PLCB1: variants seen among roughly 807,000 people sequenced by gnomAD.
PLCB1 encodes phospholipase C beta 1, also known as 1-phosphatidylinositol 4,5-bisphosphate phosphodiesterase beta-1.
Under a neutral mutation model 161.8 loss-of-function variants are expected in PLCB1, and 46 were observed. The observed-to-expected ratio is 0.28, with a 90% CI of 0.22 to 0.36. The LOEUF (loss-of-function observed/expected upper bound fraction) is 0.36. Among genes scored for constraint, PLCB1 ranks in the 10% least tolerant of loss-of-function variants. The probability of loss-of-function intolerance (pLI) is 1.00; values close to 1 mark genes in which losing one functional copy is unlikely to be tolerated. For synonymous variants in PLCB1, 517 were observed against 503.7 expected (o/e 1.03, Z -0.35); for missense variants, 1,016 against 1,472.5 (o/e 0.69, Z 5.07).
chr20:8,595,738 T>G (rs1423416560), intron 3 of PLCB1, among the ~76,000 whole-genome samples: 91 of 149,626 alleles, frequency 6.1e-4, no homozygotes, highest in Non-Finnish European at 1.1e-3. Context: ...GTGTTCCTAT[T>G]TCTCCACATC....
At chr20:8,879,787 A>G (rs1431780075) in intron 31 of PLCB1, among the ~76,000 whole-genome samples, 1 of 152,176 alleles carries the variant, frequency 6.6e-6, no homozygotes, top group Admixed American at 6.5e-5. Context: ...GAAGGAGGCT[A>G]AGACTCAGGA....
intron 2 of PLCB1, among the ~76,000 whole-genome samples, chr20:8,368,685 G>C (rs1364314027): frequency 6.6e-6 from 1 of 152,182 alleles, no homozygotes; most frequent in Non-Finnish European, 1.5e-5. Flanking sequence ...GTAAATGTTA[G>C]TGTTTTATAA....
chr20:8,520,640 T>A (rs535602911), intron 3 of PLCB1, among the ~76,000 whole-genome samples: 1 of 152,252 alleles, frequency 6.6e-6, no homozygotes, highest in Admixed American at 6.5e-5. Context: ...ACCCCAAAAA[T>A]TCCATGTTGC....
chr20:8,261,894 T>C (rs1035011362), intron 2 of PLCB1, among the ~76,000 whole-genome samples: 28 of 152,192 alleles, frequency 1.8e-4, no homozygotes, highest in African/African-American at 6.8e-4. Flanking sequence ...CCATGTATTA[T>C]TGGTCATCCA....
rs546949503 is a variant in PLCB1, at chr20:8,140,249, G to A, written c.99+7499G>A. Among the ~76,000 whole-genome samples, 398 of 152,302 alleles carry A rather than the reference G, an allele frequency of 2.6e-3. 3 individuals carry two copies. The highest frequency in any genetic ancestry group is 9.1e-3 in the African/African-American group (379 of 41,568). On this transcript the variant is annotated intron_variant, in intron 1 of 31. Coordinates refer to ENST00000338037, the MANE Select transcript of PLCB1 (RefSeq NM_015192.4). ...TTCATGGAGAGCCAACCTAAAGCCT[G>A]CTCCTCCAACCCTTCCAGTTTTTCT...
chr20:8,477,203 C>T (rs1035425375), intron 3 of PLCB1, among the ~76,000 whole-genome samples: 2 of 151,930 alleles, frequency 1.3e-5, no homozygotes, highest in Non-Finnish European at 2.9e-5. Context: ...TGAAGTACAG[C>T]TTGAAAAGAT....
At chr20:8,611,429 C>T (rs1339322592) in intron 3 of PLCB1, among the ~76,000 whole-genome samples, 1 of 152,136 alleles carries the variant, frequency 6.6e-6, no homozygotes, top group Non-Finnish European at 1.5e-5. Flanking sequence ...AAAAAGGCTT[C>T]ACTATAGTCA....
intron 2 of PLCB1, among the ~76,000 whole-genome samples, chr20:8,180,967 G>GTGTGTA (rs1555788510): frequency 7.0e-6 from 1 of 143,238 alleles, no homozygotes; most frequent in Non-Finnish European, 1.5e-5. Context: ...GTGTGTGTGT[G>GTGTGTA]TGTATGTATG....
intron 1 of PLCB1, among the ~76,000 whole-genome samples, chr20:8,146,600 T>C (rs186441152): frequency 1.3e-5 from 2 of 152,354 alleles, no homozygotes; most frequent in East Asian, 3.9e-4. Flanking sequence ...TATTGACTTA[T>C]ATCAGTGCAT....
chr20:8,843,785 T>C (rs931708433), intron 31 of PLCB1, among the ~76,000 whole-genome samples: 1 of 152,218 alleles, frequency 6.6e-6, no homozygotes, highest in African/African-American at 2.4e-5. Context: ...CTTAACACTT[T>C]GATACAGGAA....
chr20:8,260,989 G>T (rs560997410), intron 2 of PLCB1, among the ~76,000 whole-genome samples: 1 of 152,116 alleles, frequency 6.6e-6, no homozygotes, highest in Non-Finnish European at 1.5e-5. Context: ...AAGAAAGCAC[G>T]GCTGCCTTGC....
At chr20:8,347,873 G>C (rs1323458175) in intron 2 of PLCB1, among the ~76,000 whole-genome samples, 1 of 152,142 alleles carries the variant, frequency 6.6e-6, no homozygotes, top group Non-Finnish European at 1.5e-5. Flanking sequence ...AAAAGAGCCT[G>C]AGGCAGGAGA....
At chr20:8,834,438 A>T (rs553716511) in intron 31 of PLCB1, among the ~76,000 whole-genome samples, 1 of 152,140 alleles carries the variant, frequency 6.6e-6, no homozygotes, top group South Asian at 2.1e-4. Flanking sequence ...TATGAGATTT[A>T]TTGCAAGGGA....
rs1198301636 is a variant in PLCB1, at chr20:8,884,574, G to A, written c.*2725G>A. The A allele has an allele frequency of 6.6e-6, 1 of 152,492 alleles. No individual in the cohort carries two copies. The highest frequency in any genetic ancestry group is 1.5e-5 in the Non-Finnish European group (1 of 68,022). The allele number at this position is 152,492 out of a possible 1,614,324, so 9.4% of individuals were successfully genotyped here. On this transcript the variant is annotated 3_prime_UTR_variant, in exon 32 of 32. Coordinates refer to ENST00000338037, the MANE Select transcript of PLCB1 (RefSeq NM_015192.4). Reference sequence around the variant, plus strand: ...TAATTAATACTCCTGTAGTAGATAAGCTGTCATTAAGTAATTCCCAAAAAA... The same window carrying A: ...TAATTAATACTCCTGTAGTAGATAAACTGTCATTAAGTAATTCCCAAAAAA...
At chr20:8,585,259 A>T (rs1394182969) in intron 3 of PLCB1, among the ~76,000 whole-genome samples, 3 of 152,282 alleles carry the variant, frequency 2.0e-5, no homozygotes, top group Admixed American at 6.5e-5. Flanking sequence ...GCCAGAGGTA[A>T]GACTTTCTCT....
At chr20:8,287,728 C>A (rs1156534542) in intron 2 of PLCB1, among the ~76,000 whole-genome samples, 2 of 152,140 alleles carry the variant, frequency 1.3e-5, no homozygotes, top group Non-Finnish European at 2.9e-5. Flanking sequence ...TAATTACTCA[C>A]GGAATTTATG....
intron 31 of PLCB1, among the ~76,000 whole-genome samples, chr20:8,810,145 A>T (rs1464472007): frequency 6.6e-6 from 1 of 152,198 alleles, no homozygotes; most frequent in African/African-American, 2.4e-5. Context: ...TCCCCAAACA[A>T]GTAAAAAGTT....
intron 4 of PLCB1, among the ~76,000 whole-genome samples, chr20:8,641,360 A>C (rs528040758): frequency 6.6e-6 from 1 of 152,372 alleles, no homozygotes; most frequent in African/African-American, 2.4e-5. Flanking sequence ...ATCATAAAGC[A>C]TGGAAGTCAG....
intron 3 of PLCB1, among the ~76,000 whole-genome samples, chr20:8,499,138 A>G (rs1049726581): frequency 1.3e-5 from 2 of 152,212 alleles, no homozygotes; most frequent in African/African-American, 4.8e-5. Context: ...TTAAATTTTG[A>G]GCCGGATGTG....
Sources: gnomAD v4.1 joint callset for allele counts (sites outside exome capture counted in the v4.1 genomes callset) on GRCh38, gnomAD v4.1.1 for gene constraint, MANE v1.5 for transcripts, NCBI Gene and HGNC (gene_info 2026-07-23, HGNC 2026-07-21) for gene names.